The following GPHN variants were observed in gnomAD, a reference collection of about 807,000 sequenced individuals.
The protein encoded by GPHN is gephyrin.
A neutral mutation model predicts 95.5 loss-of-function variants in GPHN; 17 were observed. That is an observed-to-expected ratio of 0.18 (90% CI 0.12 to 0.27). GPHN has a LOEUF of 0.27. Ranked by LOEUF, GPHN falls within the 10% of genes least tolerant of loss-of-function variation. GPHN has a pLI of 1.00. For synonymous variants in GPHN, 320 were observed against 322.5 expected, an observed-to-expected ratio of 0.99 and a Z score of 0.08; for missense variants, 660 against 978.1, an observed-to-expected ratio of 0.67 and a Z score of 4.34.
the GPHN span, chr14:67,692,779 T>C: frequency 6.9e-6 from 6 of 867,060 alleles, no homozygotes; most frequent in South Asian, 3.4e-5. Flanking sequence ...GTCCATTATA[T>C]GTAGAGCATA....
the GPHN span, chr14:67,645,952 CCAGATGCTAGGGGTATAA>C: frequency 1.1e-6 from 1 of 909,682 alleles, no homozygotes; most frequent in Admixed American, 2.7e-5. Context: ...AGGCAGTCTG[CCAGATGCTAGGGGTATAA>C]AGACTAGACA....
intron 16 of GPHN, 85 bp downstream of exon 16, chr14:67,113,256 A>G: frequency 8.3e-7 from 1 of 1,211,778 alleles, no homozygotes; most frequent in East Asian, 2.3e-5. Flanking sequence ...TGTAAATAGA[A>G]TGTTGTAGAT....
chr14:66,636,781 A>C (rs185438356), intron 1 of GPHN, among the ~76,000 whole-genome samples: 29 of 152,318 alleles, frequency 1.9e-4, no homozygotes, highest in African/African-American at 6.5e-4. Context: ...ATAATTAACA[A>C]GCAGGCTGGT....
At chr14:67,233,991 A>C in the GPHN span, among the ~76,000 whole-genome samples, 1 of 152,202 alleles carries the variant, frequency 6.6e-6, no homozygotes, top group African/African-American at 2.4e-5. Context: ...GATCAGATGA[A>C]AGGGAGTGAG....
intron 12 of GPHN, among the ~76,000 whole-genome samples, chr14:67,095,936 A>T: frequency 7.8e-6 from 1 of 128,152 alleles, no homozygotes; most frequent in East Asian, 2.0e-4. Flanking sequence ...TAATAATAAT[A>T]AAAAAACAAA....
At chr14:67,580,771 GCCACCTTGGGTC>G in the GPHN span, 2 of 580,218 alleles carry the variant, frequency 3.4e-6, no homozygotes, top group South Asian at 4.1e-5. Flanking sequence ...GGGAGCTGCT[GCCACCTTGGGTC>G]CAGGAAGCAT....
At chr14:67,660,482 C>A in the GPHN span, among the ~76,000 whole-genome samples, 2 of 152,222 alleles carry the variant, frequency 1.3e-5, no homozygotes, top group African/African-American at 2.4e-5. Flanking sequence ...CTTCAATATA[C>A]CAAGTTTTTA....
the GPHN span, among the ~76,000 whole-genome samples, chr14:67,513,389 G>T: frequency 6.6e-6 from 1 of 152,152 alleles, no homozygotes; most frequent in East Asian, 1.9e-4. Context: ...GCCACAAATT[G>T]CAGGGCCACA....
At chr14:66,721,896 A>T (rs1036733260) in intron 2 of GPHN, among the ~76,000 whole-genome samples, 2 of 145,596 alleles carry the variant, frequency 1.4e-5, no homozygotes, top group Non-Finnish European at 3.0e-5. Context: ...GCTTGCAGTG[A>T]GCTGAGATTA....
At chr14:67,604,423 G>A in the GPHN span, among the ~76,000 whole-genome samples, 1 of 152,192 alleles carries the variant, frequency 6.6e-6, no homozygotes, top group Non-Finnish European at 1.5e-5. Context: ...TTGCGGGCAT[G>A]GTGGCTCATG....
intron 18 of GPHN, among the ~76,000 whole-genome samples, chr14:67,144,250 A>AAAATATATATAT (rs1168342196): frequency 5.2e-5 from 3 of 57,776 alleles, no homozygotes; most frequent in Non-Finnish European, 8.6e-5. Flanking sequence ...AAAAAAAAAA[A>AAAATATATATAT]ATATATATAT....
the GPHN span, among the ~76,000 whole-genome samples, chr14:67,296,995 A>G: frequency 6.6e-6 from 1 of 152,234 alleles, no homozygotes; most frequent in African/African-American, 2.4e-5. Flanking sequence ...TCTGAAAAAA[A>G]TTCAGTACTT....
the GPHN span, among the ~76,000 whole-genome samples, chr14:67,341,599 G>A: frequency 1.2e-3 from 178 of 151,594 alleles, 4 homozygotes; most frequent in South Asian, 0.037. Flanking sequence ...CACCCTGTCC[G>A]GGAGGTGAGG....
At chr14:66,752,131 A>G (rs2058389695) in intron 2 of GPHN, among the ~76,000 whole-genome samples, 1 of 152,096 alleles carries the variant, frequency 6.6e-6, no homozygotes, top group South Asian at 2.1e-4. Flanking sequence ...AGAATCGAAG[A>G]GAATTAGGGC....
intron 1 of GPHN, among the ~76,000 whole-genome samples, chr14:66,588,085 C>A (rs1391691611): frequency 6.6e-6 from 1 of 152,100 alleles, no homozygotes; most frequent in Non-Finnish European, 1.5e-5. Context: ...GCTGGTGATA[C>A]CTAGGCAAAC....
rs111778253 is a variant in GPHN at position 67,064,639 on chromosome 14, A to G, written c.1144+5853A>G. Reference sequence around the variant, plus strand: ...CATTATTGGTCTATTCAGAGATTCAACTTCTTCCTGCTTTAGTCTTGGGAG... The same window carrying G: ...CATTATTGGTCTATTCAGAGATTCAGCTTCTTCCTGCTTTAGTCTTGGGAG... On this transcript the variant is annotated intron_variant, in intron 11 of 22. Transcript: ENST00000478722. Among the ~76,000 whole-genome samples, 625 of 152,150 alleles carry G rather than the reference A, an allele frequency of 4.1e-3. 9 individuals are homozygous for G. The highest frequency in any genetic ancestry group is 0.014 in the African/African-American group (587 of 41,488).
the GPHN span, among the ~76,000 whole-genome samples, chr14:67,343,065 A>C: frequency 3.0e-4 from 45 of 152,232 alleles, no homozygotes; most frequent in African/African-American, 1.1e-3. Context: ...AACACTAAGG[A>C]TCTTGAGAAA....
At chr14:66,874,247 A>G (rs970127539) in intron 4 of GPHN, among the ~76,000 whole-genome samples, 1 of 152,192 alleles carries the variant, frequency 6.6e-6, no homozygotes, top group African/African-American at 2.4e-5. Context: ...AACCCCATCC[A>G]AAGGTCACCA....
intron 9 of GPHN, among the ~76,000 whole-genome samples, chr14:67,012,127 G>GA (rs1412451501): frequency 1.3e-5 from 2 of 152,140 alleles, no homozygotes; most frequent in African/African-American, 4.8e-5. Context: ...GCTAAAAAGA[G>GA]AAAATCTTTA....
Sources: gnomAD v4.1 joint callset for allele counts (sites outside exome capture counted in the v4.1 genomes callset) on GRCh38, gnomAD v4.1.1 for gene constraint, MANE v1.5 for transcripts, NCBI Gene and HGNC (gene_info 2026-07-23, HGNC 2026-07-21) for gene names.